The following RUSC2 variants were observed in gnomAD, a reference collection of about 807,000 sequenced individuals.
RUSC2 encodes the protein AP-4 complex accessory subunit RUSC2.
RUSC2 carries 34 observed loss-of-function variants against 122.2 expected under a neutral mutation model. The ratio of observed to expected loss-of-function variants is 0.28; its 90% CI spans 0.21 to 0.37. RUSC2 has a LOEUF of 0.37. Ranked by LOEUF, RUSC2 falls within the 10% of genes least tolerant of loss-of-function variation. RUSC2 has a pLI of 1.00. For missense variants in RUSC2, 1,747 were observed against 1,952.4 expected, an observed-to-expected ratio of 0.89 and a Z score of 1.98; for synonymous variants, 784 against 790.0, an observed-to-expected ratio of 0.99 and a Z score of 0.13.
chr9:35,512,762 C>T (rs1348054114), intron 1 of RUSC2, among the ~76,000 whole-genome samples: 1 of 152,048 alleles, frequency 6.6e-6, no homozygotes, highest in African/African-American at 2.4e-5. Context: ...ATACATCAAG[C>T]AAAAGAGCAC....
intron 1 of RUSC2, among the ~76,000 whole-genome samples, chr9:35,517,303 C>T (rs1034034277): frequency 6.6e-6 from 1 of 152,142 alleles, no homozygotes; most frequent in Non-Finnish European, 1.5e-5. Context: ...CAAACTAACC[C>T]AATACTCAGG....
chr9:35,559,196 A>T, intron 8 of RUSC2, 30 bp from the exon 9 acceptor site: 1 of 1,589,122 alleles, frequency 6.3e-7, no homozygotes, highest in Non-Finnish European at 8.6e-7. Flanking sequence ...TTCACACAAG[A>T]CTCAACTCTC....
At chr9:35,494,564 T>C (rs1379035289) in intron 1 of RUSC2, among the ~76,000 whole-genome samples, 1 of 152,186 alleles carries the variant, frequency 6.6e-6, no homozygotes, top group African/African-American at 2.4e-5. Context: ...CATTTTTTCA[T>C]GTATTTCATA....
chr9:35,561,074 A>T lies in RUSC2; in HGVS notation c.4326A>T (p.Pro1442=), dbSNP rs146446376. 2.2e-3 allele frequency: 3,518 copies of T among 1,614,112 alleles called. 17 individuals carry two copies. Among genetic ancestry groups the T allele is most frequent in the South Asian group, 9.1e-3 (827 of 91,078 alleles). ...PKESLQEPHS[P]ALPSSPPCEV... Reference sequence around the variant, plus strand: ...AGAGCCTGCAGGAGCCACACTCCCCAGCCCTGCCCTCCAGTCCTCCGTGGT... The same window carrying T: ...AGAGCCTGCAGGAGCCACACTCCCCTGCCCTGCCCTCCAGTCCTCCGTGGT... Residue 1442 remains proline, a synonymous_variant, in exon 11 of 12, where the codon CCA becomes CCT. Transcript: ENST00000361226.
intron 1 of RUSC2, among the ~76,000 whole-genome samples, chr9:35,545,758 C>T (rs1049152802): frequency 4.6e-5 from 7 of 152,156 alleles, no homozygotes; most frequent in Admixed American, 1.3e-4. Flanking sequence ...TACTTGCAGT[C>T]ACCCTAATGC....
At chr9:35,518,269 T>C (rs1329559499) in intron 1 of RUSC2, among the ~76,000 whole-genome samples, 3 of 152,198 alleles carry the variant, frequency 2.0e-5, no homozygotes, top group Non-Finnish European at 1.5e-5. Flanking sequence ...GATGATGACC[T>C]AGGATTGCAG....
rs78321305 is a variant in RUSC2 at position 35,523,151 on chromosome 9, G to C, written c.-92-23279G>C. Among the ~76,000 whole-genome samples the C allele has an allele frequency of 8.1e-3, 1,233 of 152,258 alleles. 15 individuals are homozygous for C. Among genetic ancestry groups the C allele is most frequent in the African/African-American group, 0.024 (1,012 of 41,538 alleles). ...TATACTTATTAACAACATCTAAACT[G>C]TTTATCTGCAGCCTGCATTATACAT... On this transcript the variant is annotated intron_variant, in intron 1 of 11. Transcript: ENST00000361226.
At chr9:35,526,959 AT>A (rs1012574374) in intron 1 of RUSC2, among the ~76,000 whole-genome samples, 1 of 152,158 alleles carries the variant, frequency 6.6e-6, no homozygotes, top group Non-Finnish European at 1.5e-5. Context: ...TCTACCAAAG[AT>A]TCTGATTATA....
intron 1 of RUSC2, among the ~76,000 whole-genome samples, chr9:35,494,864 G>A (rs1820646338): frequency 7.0e-6 from 1 of 143,564 alleles, no homozygotes; most frequent in South Asian, 2.1e-4. Flanking sequence ...GCCAAATTAA[G>A]TGACATGAAG....
chr9:35,556,235 G>A (rs1822015909), intron 4 of RUSC2, 73 bp from the exon 5 acceptor site: 4 of 1,599,838 alleles, frequency 2.5e-6, no homozygotes, highest in Non-Finnish European at 3.4e-6. Flanking sequence ...GTCTCAGACG[G>A]TACGAGGCAC....
In RUSC2 at chr9:35,560,184, G is replaced by A. The variant is rs1167856441; in HGVS notation, c.3544G>A (p.Gly1182Arg). Residue 1182 changes from glycine to arginine, a missense_variant, in exon 10 of 12, where the codon GGG becomes AGG. Physicochemically the swap from Gly to Arg is moderately radical, Grantham distance 125. Transcript: ENST00000361226. The part of the protein sequence containing the change: ...LLFQHRLLQS[G>R]QQQRQHKELL... The stretch of plus-strand genomic sequence containing the variant: ...GTTCCAGCACCGGCTGCTGCAAAGT[G>A]GGCAGCAGCAGCGGCAGCACAAGGA... The A allele has an allele frequency of 1.2e-6, 2 of 1,606,484 alleles. No individual in the cohort carries two copies. The highest frequency in any genetic ancestry group is 1.1e-5 in the South Asian group (1 of 91,074).
chr9:35,539,462 A>T (rs1352588274), intron 1 of RUSC2, among the ~76,000 whole-genome samples: 1 of 151,982 alleles, frequency 6.6e-6, no homozygotes, highest in Admixed American at 6.6e-5. Flanking sequence ...ATAGGAGGAG[A>T]CACCCCTACA....
rs1482325023 is a variant in RUSC2, at chr9:35,560,575, C to CCCAGGCTCCACCACCCCG, written c.3936_3953dup (p.Gln1313_Arg1318dup). On this transcript the variant is annotated inframe_insertion, in exon 10 of 12. Transcript: ENST00000361226. ...AAAGGGGCAGGAGGTGGGGGACCTC[C>CCCAGGCTCCACCACCCCG]CCAGGCTCCACCACCCCGAGAGGGA... is the stretch of plus-strand genomic sequence containing the variant. The CCCAGGCTCCACCACCCCG allele has an allele frequency of 6.2e-7, 1 of 1,613,910 alleles. No individual in the cohort carries two copies. The highest frequency in any genetic ancestry group is 8.5e-7 in the Non-Finnish European group (1 of 1,179,950).
chr9:35,544,886 C>T (rs1821715305), intron 1 of RUSC2, among the ~76,000 whole-genome samples: 1 of 152,154 alleles, frequency 6.6e-6, no homozygotes, highest in African/African-American at 2.4e-5. Flanking sequence ...AACCCTTAAT[C>T]TTGTAGCTCA....
Position 35,560,393 on chromosome 9 carries a change from A to C in RUSC2, c.3753A>C (p.Ala1251=), listed in dbSNP as rs778981678. Residue 1251 remains alanine (A), a synonymous_variant, in exon 10 of 12, where the codon GCA becomes GCC. Transcript: ENST00000361226. ...AAGAAGAGGAGACAGAAGAGGTGGC[A>C]GAGGCAGCCGGGGGCTCAGGGCGTG... is the stretch of plus-strand genomic sequence containing the variant. ...EEEEEETEEV[A]EAAGGSGRAR... The C allele has an allele frequency of 6.2e-7, 1 of 1,614,056 alleles. No individual in the cohort carries two copies. The highest frequency in any genetic ancestry group is 8.5e-7 in the Non-Finnish European group (1 of 1,179,980).
chr9:35,548,528 A>T lies in RUSC2; in HGVS notation c.2007A>T (p.Arg669Ser), dbSNP rs775230516. 6 of 1,610,270 alleles carry T rather than the reference A, an allele frequency of 3.7e-6. No homozygotes were observed. In the South Asian group the frequency reaches 6.6e-5, roughly 18 times the overall value. The change falls in exon 2 of 12, where the codon AGA becomes AGT. Residue 669 changes from arginine to serine, a missense_variant. Coordinates refer to ENST00000361226, the MANE Select transcript of RUSC2 (RefSeq NM_014806.5). The surrounding 1 kb of genome is among the most constrained non-coding windows in gnomAD (Gnocchi z 4.5). The stretch of plus-strand genomic sequence containing the variant: ...ATACCCAGAGGGATGCAAGAGCTAG[A>T]GCTGACGGTAAGGAGCCTAAGGGTT... ...NSHTQRDARA[R>S]ADGGGTESRP...
intron 1 of RUSC2, among the ~76,000 whole-genome samples, chr9:35,539,300 G>A (rs1821595419): frequency 6.6e-6 from 1 of 152,138 alleles, no homozygotes; most frequent in Non-Finnish European, 1.5e-5. Flanking sequence ...TTTGGGCTAT[G>A]GTGCAGAGAT....
chr9:35,508,435 C>T (rs894473184), intron 1 of RUSC2, among the ~76,000 whole-genome samples: 14 of 152,200 alleles, frequency 9.2e-5, no homozygotes, highest in Admixed American at 4.6e-4. Flanking sequence ...CATGCTCTGA[C>T]CTAAGGATGG....
chr9:35,498,169 T>C (rs1164977474), intron 1 of RUSC2, among the ~76,000 whole-genome samples: 1 of 148,348 alleles, frequency 6.7e-6, no homozygotes, highest in African/African-American at 2.5e-5. Context: ...TTTTTTTTTT[T>C]TCCCAATTTG....
Sources: allele counts gnomAD v4.1 joint callset (sites outside exome capture counted in the v4.1 genomes callset), GRCh38; gene constraint gnomAD v4.1.1; non-coding constraint Gnocchi (gnomAD v3.1); transcripts MANE v1.5; gene names NCBI Gene and HGNC (gene_info 2026-07-23, HGNC 2026-07-21).